The following NEGR1 variants were observed in gnomAD, a reference collection of about 807,000 sequenced individuals.
NEGR1 encodes the protein neuronal growth regulator 1.
In NEGR1, 10 loss-of-function variants were observed where a neutral mutation model predicts 40.9. The observed-to-expected ratio is 0.24, with a 90% CI of 0.15 to 0.42. The LOEUF (loss-of-function observed/expected upper bound fraction) is 0.42, where lower values mean the gene tolerates loss of function less well. Among genes scored for constraint, NEGR1 ranks in the 10% least tolerant of loss-of-function variants. NEGR1 has a pLI of 1.00. For synonymous variants in NEGR1, 185 were observed against 166.8 expected, an observed-to-expected ratio of 1.11 and a Z score of -0.84; for missense variants, 352 against 438.9, an observed-to-expected ratio of 0.80 and a Z score of 1.77.
chr1:71,843,059 G>A lies in NEGR1; in HGVS notation c.410-66762C>T, dbSNP rs1659296750. Reference sequence around the variant, plus strand: ...AATTATTTTACATTTTTAAGGGAAAGTAATCATGGCATTGCCTCAAGTGTC... The same window carrying A: ...AATTATTTTACATTTTTAAGGGAAAATAATCATGGCATTGCCTCAAGTGTC... On this transcript the variant is annotated intron_variant, in intron 2 of 6. Transcript: ENST00000357731. Among the ~76,000 whole-genome samples the A allele has an allele frequency of 2.0e-5, 3 of 152,140 alleles. No individual in the cohort carries two copies. In the South Asian group the frequency reaches 6.2e-4, roughly 32 times the overall value.
chr1:72,109,483 A>G (rs1649269600), intron 1 of NEGR1, among the ~76,000 whole-genome samples: 1 of 151,666 alleles, frequency 6.6e-6, no homozygotes, highest in South Asian at 2.1e-4. Flanking sequence ...ATGTCTACAG[A>G]GACTTATTAA....
chr1:72,022,468 T>C (rs1163615754), intron 1 of NEGR1, among the ~76,000 whole-genome samples: 1 of 149,418 alleles, frequency 6.7e-6, no homozygotes, highest in Non-Finnish European at 1.5e-5. Flanking sequence ...TATATCTATT[T>C]ATAAAAAGCA....
At chr1:72,263,878 T>C (rs1442982214) in intron 1 of NEGR1, among the ~76,000 whole-genome samples, 1 of 151,514 alleles carries the variant, frequency 6.6e-6, no homozygotes, top group Non-Finnish European at 1.5e-5. Context: ...CAATATATCA[T>C]ACTTTCCCTG....
chr1:72,275,301 C>A, intron 1 of NEGR1: 1 of 435,512 alleles, frequency 2.3e-6, no homozygotes, highest in South Asian at 3.3e-5. Context: ...AATTAAAACT[C>A]AATTTGATAA....
intron 1 of NEGR1, among the ~76,000 whole-genome samples, chr1:72,084,713 G>A (rs1248519243): frequency 6.6e-6 from 1 of 152,024 alleles, no homozygotes; most frequent in Non-Finnish European, 1.5e-5. Flanking sequence ...TATTTGCAAG[G>A]ACTAATAGAA....
intron 1 of NEGR1, among the ~76,000 whole-genome samples, chr1:72,215,061 C>T (rs1352070271): frequency 6.6e-6 from 1 of 152,054 alleles, no homozygotes; most frequent in Non-Finnish European, 1.5e-5. Flanking sequence ...AATAACACCA[C>T]ACATTTACCA....
chr1:72,196,362 T>G (rs1652998864), intron 1 of NEGR1, among the ~76,000 whole-genome samples: 1 of 152,116 alleles, frequency 6.6e-6, no homozygotes, highest in East Asian at 1.9e-4. Flanking sequence ...CATGAATTTG[T>G]TTTAGGTTTC....
chr1:71,527,628 A>G (rs1219254313), intron 6 of NEGR1, among the ~76,000 whole-genome samples: 2 of 151,480 alleles, frequency 1.3e-5, no homozygotes, highest in Non-Finnish European at 3.0e-5. Flanking sequence ...AATCTATGAG[A>G]TTCCTTTTAT....
At chr1:72,176,769 T>C (rs187108961) in intron 1 of NEGR1, among the ~76,000 whole-genome samples, 105 of 152,102 alleles carry the variant, frequency 6.9e-4, no homozygotes, top group African/African-American at 2.4e-3. Flanking sequence ...GAACAAATCA[T>C]GGGAAGCCTC....
intron 1 of NEGR1, among the ~76,000 whole-genome samples, chr1:72,057,198 C>T (rs572437885): frequency 2.6e-5 from 4 of 151,688 alleles, no homozygotes; most frequent in African/African-American, 9.6e-5. Flanking sequence ...TAATTAATTA[C>T]ACAAATTACT....
intron 1 of NEGR1, among the ~76,000 whole-genome samples, chr1:72,216,128 T>C (rs550387875): frequency 2.0e-5 from 3 of 152,034 alleles, no homozygotes; most frequent in Admixed American, 6.6e-5. Context: ...AAACACTGCA[T>C]GTTCTCACTC....
At chr1:72,212,318 T>C (rs1176531204) in intron 1 of NEGR1, among the ~76,000 whole-genome samples, 1 of 151,970 alleles carries the variant, frequency 6.6e-6, no homozygotes, top group Non-Finnish European at 1.5e-5. Flanking sequence ...TTATGCTTTG[T>C]AATCATTTTT....
chr1:71,520,199 G>C (rs1295162465), intron 6 of NEGR1, among the ~76,000 whole-genome samples: 1 of 151,926 alleles, frequency 6.6e-6, no homozygotes, highest in Non-Finnish European at 1.5e-5. Flanking sequence ...CCAGTGGTGG[G>C]GTTGTCATGA....
intron 6 of NEGR1, among the ~76,000 whole-genome samples, chr1:71,469,932 A>T (rs1302932023): frequency 6.6e-6 from 1 of 152,148 alleles, no homozygotes; most frequent in African/African-American, 2.4e-5. Flanking sequence ...AGATATGTTA[A>T]CCAAAATTAC....
At chr1:71,475,840 T>A (rs942654729) in intron 6 of NEGR1, among the ~76,000 whole-genome samples, 3 of 152,070 alleles carry the variant, frequency 2.0e-5, no homozygotes, top group African/African-American at 7.2e-5. Context: ...TATATTCTAA[T>A]AATTTAATGC....
intron 1 of NEGR1, among the ~76,000 whole-genome samples, chr1:72,237,710 G>C (rs904081961): frequency 6.6e-6 from 1 of 151,962 alleles, no homozygotes; most frequent in Non-Finnish European, 1.5e-5. Flanking sequence ...CAAAATGTCT[G>C]TGATTTTCTT....
At chr1:71,919,982 C>A (rs908803138) in intron 2 of NEGR1, among the ~76,000 whole-genome samples, 3 of 152,108 alleles carry the variant, frequency 2.0e-5, no homozygotes, top group African/African-American at 7.2e-5. Flanking sequence ...CTCCAGGGTT[C>A]TCTGCTTAAG....
intron 1 of NEGR1, among the ~76,000 whole-genome samples, chr1:72,125,597 T>C (rs554903308): frequency 1.8e-3 from 278 of 152,188 alleles, no homozygotes; most frequent in African/African-American, 6.3e-3. Flanking sequence ...AATAAGGAAA[T>C]ATTATTACTA....
intron 2 of NEGR1, among the ~76,000 whole-genome samples, chr1:71,825,912 C>T (rs573547538): frequency 2.2e-4 from 34 of 152,000 alleles, no homozygotes; most frequent in Admixed American, 5.9e-4. Flanking sequence ...GCCTATCATT[C>T]ACTTCAGATT....
Sources: allele counts gnomAD v4.1 joint callset (sites outside exome capture counted in the v4.1 genomes callset), GRCh38; gene constraint gnomAD v4.1.1; transcripts MANE v1.5; gene names NCBI Gene and HGNC (gene_info 2026-07-23, HGNC 2026-07-21).